Variants in SYNDIG1 observed in about 807,000 individuals in gnomAD.
SYNDIG1 encodes synapse differentiation inducing 1.
A neutral mutation model predicts 19.4 loss-of-function variants in SYNDIG1; 9 were observed. The ratio of observed to expected loss-of-function variants is 0.46; its 90% CI spans 0.28 to 0.81. The LOEUF (loss-of-function observed/expected upper bound fraction) is 0.81, where lower values mean the gene tolerates loss of function less well. Among genes scored for constraint, SYNDIG1 ranks in the 30% least tolerant of loss-of-function variants. SYNDIG1 has a pLI of 0.12. For synonymous variants in SYNDIG1, 141 were observed against 145.9 expected (o/e 0.97, Z 0.24); for missense variants, 311 against 343.3 (o/e 0.91, Z 0.74).
chr20:24,603,500 C>T (rs1373890216), intron 3 of SYNDIG1, among the ~76,000 whole-genome samples: 1 of 152,126 alleles, frequency 6.6e-6, no homozygotes, highest in Non-Finnish European at 1.5e-5. Context: ...ACAATAATGA[C>T]AGGCGTGCCC....
chr20:24,599,339 T>C (rs962150604), intron 3 of SYNDIG1, among the ~76,000 whole-genome samples: 11 of 152,140 alleles, frequency 7.2e-5, no homozygotes, highest in African/African-American at 2.7e-4. Flanking sequence ...AAATAACAGA[T>C]GTTGCTAAGT....
intron 3 of SYNDIG1, among the ~76,000 whole-genome samples, chr20:24,601,211 T>G (rs916268068): frequency 2.6e-5 from 4 of 152,232 alleles, no homozygotes; most frequent in African/African-American, 9.6e-5. Flanking sequence ...TTGTATATGT[T>G]GCTGAATTTG....
chr20:24,515,567 A>T (rs567647589), intron 1 of SYNDIG1, among the ~76,000 whole-genome samples: 6 of 152,162 alleles, frequency 3.9e-5, no homozygotes, highest in African/African-American at 1.4e-4. Context: ...GAGCCAAATC[A>T]TGAGTGAACT....
At chr20:24,542,800 T>C (rs568827514) in intron 1 of SYNDIG1, among the ~76,000 whole-genome samples, 1 of 152,332 alleles carries the variant, frequency 6.6e-6, no homozygotes, top group African/African-American at 2.4e-5. Context: ...GCAGAGACTT[T>C]ATAGAGATTC....
At chr20:24,654,566 C>A (rs1482281826) in intron 3 of SYNDIG1, among the ~76,000 whole-genome samples, 1 of 136,350 alleles carries the variant, frequency 7.3e-6, no homozygotes, top group African/African-American at 2.7e-5. Context: ...TGGACAATGA[C>A]AAAAGCAAGC....
chr20:24,564,451 G>T (rs958737868), intron 2 of SYNDIG1, among the ~76,000 whole-genome samples: 2 of 152,160 alleles, frequency 1.3e-5, no homozygotes, highest in Admixed American at 1.3e-4. Flanking sequence ...GTAGTTTGGG[G>T]TGCATCACAA....
chr20:24,617,514 C>T (rs895714945), intron 3 of SYNDIG1, among the ~76,000 whole-genome samples: 2 of 152,170 alleles, frequency 1.3e-5, no homozygotes, highest in African/African-American at 4.8e-5. Context: ...TAGACACTGC[C>T]CTCCGGGTGC....
chr20:24,612,432 A>G (rs2058863917), intron 3 of SYNDIG1, among the ~76,000 whole-genome samples: 1 of 152,206 alleles, frequency 6.6e-6, no homozygotes, highest in South Asian at 2.1e-4. Flanking sequence ...TTAAAGCAGG[A>G]GAAGAAAGCA....
intron 2 of SYNDIG1, among the ~76,000 whole-genome samples, chr20:24,561,891 A>G (rs2057953919): frequency 6.6e-6 from 1 of 152,228 alleles, no homozygotes; most frequent in Admixed American, 6.5e-5. Context: ...TATGATATCT[A>G]TTTGCTTATG....
intron 3 of SYNDIG1, among the ~76,000 whole-genome samples, chr20:24,645,732 A>G (rs1306032868): frequency 2.0e-5 from 3 of 152,210 alleles, no homozygotes; most frequent in African/African-American, 7.2e-5. Context: ...GGGGAGACTC[A>G]TACTACCAGT....
At chr20:24,510,565 A>G (rs2056718524) in intron 1 of SYNDIG1, among the ~76,000 whole-genome samples, 1 of 148,908 alleles carries the variant, frequency 6.7e-6, no homozygotes, top group South Asian at 2.1e-4. Context: ...GTGAAACTTG[A>G]TCTCAAAAAA....
rs567538551 is a variant in SYNDIG1 at position 24,665,769 on chromosome 20, A to T, written c.*265A>T. 10 of 475,252 alleles carry T rather than the reference A, an allele frequency of 2.1e-5. No individual in the cohort carries two copies. The highest frequency in any genetic ancestry group is 1.9e-4 in the South Asian group (6 of 30,980). 29.4% of individuals were successfully genotyped at this position (475,252 alleles called of 1,614,324 possible). A position where few individuals can be genotyped will look rare whatever the true frequency, so the allele number is the denominator to read the frequency against. ...AGCCCGCAAGGCTGTCTCTGGATGGATTCTGGTGGATGAATGGCAACGCGG... is the reference window on the plus strand; with the variant it reads ...AGCCCGCAAGGCTGTCTCTGGATGGTTTCTGGTGGATGAATGGCAACGCGG... On this transcript the variant is annotated 3_prime_UTR_variant, in exon 4 of 4. Coordinates refer to ENST00000376862, the MANE Select transcript of SYNDIG1 (RefSeq NM_024893.3).
intron 1 of SYNDIG1, among the ~76,000 whole-genome samples, chr20:24,512,868 G>A (rs1360047439): frequency 1.3e-5 from 2 of 152,166 alleles, no homozygotes; most frequent in Non-Finnish European, 2.9e-5. Flanking sequence ...TAACTGGGAG[G>A]CAAACCATAG....
chr20:24,664,955 T>C (rs1437512394), intron 3 of SYNDIG1, among the ~76,000 whole-genome samples: 1 of 152,128 alleles, frequency 6.6e-6, no homozygotes, highest in Non-Finnish European at 1.5e-5. Context: ...GTTATTCAAA[T>C]AAACAAGCAC....
At chr20:24,556,534 G>A (rs1194518472) in intron 2 of SYNDIG1, among the ~76,000 whole-genome samples, 1 of 152,166 alleles carries the variant, frequency 6.6e-6, no homozygotes, top group Non-Finnish European at 1.5e-5. Context: ...TTGCTTGTCT[G>A]TAAAGTATTT....
intron 3 of SYNDIG1, among the ~76,000 whole-genome samples, chr20:24,631,690 GA>G (rs1192639815): frequency 5.3e-5 from 8 of 152,212 alleles, no homozygotes; most frequent in Non-Finnish European, 1.0e-4. Flanking sequence ...AAACATATCG[GA>G]AAAATTTCAA....
chr20:24,613,362 C>T (rs2058878914), intron 3 of SYNDIG1, among the ~76,000 whole-genome samples: 1 of 152,170 alleles, frequency 6.6e-6, no homozygotes, highest in Non-Finnish European at 1.5e-5. Flanking sequence ...GACAGCCGCT[C>T]TCTGTCCTGC....
chr20:24,500,238 G>A (rs1208132768), intron 1 of SYNDIG1, among the ~76,000 whole-genome samples: 2 of 152,152 alleles, frequency 1.3e-5, no homozygotes, highest in Admixed American at 1.3e-4. Flanking sequence ...GATGCCAAAT[G>A]TGATTCCTAT....
chr20:24,480,806 G>T (rs6036811), intron 1 of SYNDIG1, among the ~76,000 whole-genome samples: 3,143 of 152,268 alleles, frequency 0.021, 123 homozygotes, highest in African/African-American at 0.072. Context: ...GAAAAGAAAA[G>T]AAATTCTGTC....
Sources: allele counts gnomAD v4.1 joint callset (sites outside exome capture counted in the v4.1 genomes callset), GRCh38; gene constraint gnomAD v4.1.1; transcripts MANE v1.5; gene names NCBI Gene and HGNC (gene_info 2026-07-23, HGNC 2026-07-21).